Variants in DNER observed in about 807,000 individuals in gnomAD.
The protein encoded by DNER is delta and Notch-like epidermal growth factor-related receptor.
DNER carries 33 observed loss-of-function variants against 78.2 expected under a neutral mutation model. That is an observed-to-expected ratio of 0.42 (90% CI 0.32 to 0.56). DNER has a LOEUF of 0.56. Ranked by LOEUF, DNER falls within the 20% of genes least tolerant of loss-of-function variation. DNER has a pLI of 0.11. For synonymous variants in DNER, 417 were observed against 384.8 expected, an observed-to-expected ratio of 1.08 and a Z score of -0.98; for missense variants, 918 against 975.3, an observed-to-expected ratio of 0.94 and a Z score of 0.78.
intron 6 of DNER, among the ~76,000 whole-genome samples, chr2:229,488,894 C>T (rs1695335122): frequency 6.6e-6 from 1 of 152,236 alleles, no homozygotes; most frequent in East Asian, 1.9e-4. Context: ...CAACAGCTGA[C>T]ATTTGTTGAG....
At chr2:229,627,644 C>T (rs1382028105) in intron 1 of DNER, among the ~76,000 whole-genome samples, 1 of 152,186 alleles carries the variant, frequency 6.6e-6, no homozygotes, top group Non-Finnish European at 1.5e-5. Context: ...GTCTGATTAA[C>T]AAGCGAAGCC....
intron 7 of DNER, among the ~76,000 whole-genome samples, chr2:229,470,850 C>T (rs545369852): frequency 6.6e-6 from 1 of 152,212 alleles, no homozygotes; most frequent in African/African-American, 2.4e-5. Flanking sequence ...AATGCTGTTT[C>T]AAACACAAAA....
intron 12 of DNER, among the ~76,000 whole-genome samples, chr2:229,359,153 G>A (rs1692157181): frequency 6.6e-6 from 1 of 152,182 alleles, no homozygotes; most frequent in South Asian, 2.1e-4. Context: ...AAGGGCAGAG[G>A]TGGGAAATGA....
chr2:229,581,878 A>T (rs1462545818), intron 4 of DNER, among the ~76,000 whole-genome samples: 4 of 151,300 alleles, frequency 2.6e-5, no homozygotes, highest in African/African-American at 9.8e-5. Context: ...AGTTATGTTT[A>T]TTTTTATTTA....
chr2:229,629,765 G>T (rs1334472905), intron 1 of DNER, among the ~76,000 whole-genome samples: 1 of 152,208 alleles, frequency 6.6e-6, no homozygotes, highest in Non-Finnish European at 1.5e-5. Context: ...ATGCAGTGAG[G>T]TGGCATTCTG....
chr2:229,564,609 C>G (rs1468694236), intron 4 of DNER, among the ~76,000 whole-genome samples: 1 of 149,902 alleles, frequency 6.7e-6, no homozygotes, highest in Non-Finnish European at 1.5e-5. Context: ...ATCATCCTCA[C>G]CACATCACCA....
At chr2:229,446,753 G>A (rs1489077332) in intron 8 of DNER, among the ~76,000 whole-genome samples, 4 of 152,206 alleles carry the variant, frequency 2.6e-5, no homozygotes, top group Non-Finnish European at 5.9e-5. Context: ...AAATGCAGAA[G>A]GCATTTGGAA....
intron 6 of DNER, among the ~76,000 whole-genome samples, chr2:229,497,395 C>A (rs910695324): frequency 1.3e-5 from 2 of 151,182 alleles, no homozygotes; most frequent in African/African-American, 2.4e-5. Context: ...AGAAGCTAGA[C>A]AAAGAACAAA....
At chr2:229,484,121 C>T (rs1439046830) in intron 6 of DNER, among the ~76,000 whole-genome samples, 4 of 152,140 alleles carry the variant, frequency 2.6e-5, no homozygotes, top group African/African-American at 4.8e-5. Context: ...GTTGAAGGAG[C>T]GAATCCACTT....
At chr2:229,703,710 C>G (rs975095011) in intron 1 of DNER, among the ~76,000 whole-genome samples, 17 of 152,058 alleles carry the variant, frequency 1.1e-4, no homozygotes, top group African/African-American at 4.1e-4. Flanking sequence ...GAAACCCCAC[C>G]TCTATTAAAA....
chr2:229,464,258 A>C (rs1694758913), intron 7 of DNER, among the ~76,000 whole-genome samples: 1 of 152,258 alleles, frequency 6.6e-6, no homozygotes, highest in Non-Finnish European at 1.5e-5. Flanking sequence ...AAAATCAATT[A>C]CAAAATCATC....
At chr2:229,487,334 G>A (rs1337678877) in intron 6 of DNER, among the ~76,000 whole-genome samples, 1 of 152,216 alleles carries the variant, frequency 6.6e-6, no homozygotes, top group African/African-American at 2.4e-5. Context: ...TAAGCACCAT[G>A]CATCACTCTC....
chr2:229,529,335 G>A (rs1696262656), intron 5 of DNER, among the ~76,000 whole-genome samples: 1 of 152,102 alleles, frequency 6.6e-6, no homozygotes, highest in African/African-American at 2.4e-5. Flanking sequence ...ACTGTCTGTG[G>A]TTAAGCCCCA....
intron 1 of DNER, among the ~76,000 whole-genome samples, chr2:229,660,608 G>T (rs58343708): frequency 0.064 from 9,687 of 152,112 alleles, 873 homozygotes; most frequent in African/African-American, 0.2. Flanking sequence ...AGATGTGGTT[G>T]GGCAGAAAGG....
intron 4 of DNER, among the ~76,000 whole-genome samples, chr2:229,572,071 A>G (rs1697227832): frequency 6.6e-6 from 1 of 152,056 alleles, no homozygotes; most frequent in South Asian, 2.1e-4. Flanking sequence ...TCCCTTTGTT[A>G]ATTTTCCATA....
chr2:229,542,689 A>T lies in DNER; in HGVS notation c.993+4258T>A, dbSNP rs549727407. Among the ~76,000 whole-genome samples, 6 of 152,070 alleles carry T rather than the reference A, an allele frequency of 3.9e-5. No individual in the cohort carries two copies. In the South Asian group the frequency reaches 8.3e-4, roughly 21 times the overall value. On this transcript the variant is annotated intron_variant, in intron 5 of 12. Coordinates refer to ENST00000341772, the MANE Select transcript of DNER (RefSeq NM_139072.4). ...GTAAAAAGAAAAAAACGTGATGACA[A>T]CAGTCTTTCATTGCTAGAAAGCTAC...
intron 1 of DNER, among the ~76,000 whole-genome samples, chr2:229,692,025 A>C (rs1699584921): frequency 6.6e-6 from 1 of 152,224 alleles, no homozygotes; most frequent in Non-Finnish European, 1.5e-5. Context: ...TATAAAACGG[A>C]AAGTGGACCC....
At chr2:229,654,692 C>A (rs1698884086) in intron 1 of DNER, among the ~76,000 whole-genome samples, 1 of 152,082 alleles carries the variant, frequency 6.6e-6, no homozygotes, top group African/African-American at 2.4e-5. Context: ...GGGGTCAGAG[C>A]CCTGAAACAA....
chr2:229,361,992 C>T (rs554043051), intron 12 of DNER, among the ~76,000 whole-genome samples: 14 of 152,142 alleles, frequency 9.2e-5, no homozygotes, highest in Non-Finnish European at 1.9e-4. Flanking sequence ...TGACCACAGA[C>T]CATGACACTT....
Sources: allele counts gnomAD v4.1 joint callset (sites outside exome capture counted in the v4.1 genomes callset), GRCh38; gene constraint gnomAD v4.1.1; transcripts MANE v1.5; gene names NCBI Gene and HGNC (gene_info 2026-07-23, HGNC 2026-07-21).